Variants in IL1RAP observed in about 807,000 individuals in gnomAD.
IL1RAP encodes the protein interleukin 1 receptor accessory protein, also known as interleukin-1 receptor accessory protein.
In IL1RAP, 35 loss-of-function variants were observed where a neutral mutation model predicts 60.7. The observed-to-expected ratio is 0.58, with a 90% CI of 0.44 to 0.76. The LOEUF is 0.76. Among genes scored for constraint, IL1RAP ranks in the 30% least tolerant of loss-of-function variants. The probability of loss-of-function intolerance (pLI) is 0.00; values close to 1 mark genes in which losing one functional copy is unlikely to be tolerated. For synonymous variants in IL1RAP, 268 were observed against 250.9 expected (o/e 1.07, Z -0.64); for missense variants, 572 against 693.9 (o/e 0.82, Z 1.97).
chr3:190,603,355 G>C (rs1252176183), intron 3 of IL1RAP, among the ~76,000 whole-genome samples: 2 of 152,176 alleles, frequency 1.3e-5, no homozygotes, highest in East Asian at 1.9e-4. Flanking sequence ...ATTTGACTCT[G>C]TCATTGAAAC....
At chr3:190,629,813 A>G (rs1732629265) in intron 9 of IL1RAP, 2 of 1,029,844 alleles carry the variant, frequency 1.9e-6, no homozygotes, top group Non-Finnish European at 1.2e-6. Flanking sequence ...CAAAGCTACC[A>G]AAGATAGAAA....
intron 3 of IL1RAP, among the ~76,000 whole-genome samples, chr3:190,573,628 T>A (rs1350748049): frequency 6.6e-6 from 1 of 152,224 alleles, no homozygotes; most frequent in Non-Finnish European, 1.5e-5. Flanking sequence ...CCTTTATTAC[T>A]CTAAATATCC....
intron 9 of IL1RAP, among the ~76,000 whole-genome samples, chr3:190,640,562 C>T (rs181383483): frequency 2.6e-5 from 4 of 152,244 alleles, no homozygotes; most frequent in East Asian, 3.9e-4. Flanking sequence ...TAATTTAGAA[C>T]GGAGTAGCCA....
intron 11 of IL1RAP, among the ~76,000 whole-genome samples, chr3:190,647,577 A>G (rs1025310305): frequency 6.6e-6 from 1 of 152,196 alleles, no homozygotes; most frequent in Non-Finnish European, 1.5e-5. Context: ...TAGTGCAAGT[A>G]GACACATCAT....
intron 2 of IL1RAP, among the ~76,000 whole-genome samples, chr3:190,560,760 A>G (rs574248408): frequency 6.6e-6 from 1 of 152,348 alleles, no homozygotes; most frequent in Non-Finnish European, 1.5e-5. Context: ...ATGATTACCA[A>G]GTCTAGAGAA....
downstream of IL1RAP, among the ~76,000 whole-genome samples, chr3:190,655,606 T>TG (rs1560251150): frequency 2.7e-5 from 4 of 148,048 alleles, no homozygotes; most frequent in Admixed American, 6.7e-5. Context: ...TGTGTGTGTG[T>TG]TTTAAGAAAG....
chr3:190,546,802 C>G (rs1047994855), intron 1 of IL1RAP, among the ~76,000 whole-genome samples: 4 of 152,098 alleles, frequency 2.6e-5, no homozygotes, highest in Non-Finnish European at 5.9e-5. Context: ...GTTGTGAGTT[C>G]CTGGATGTCT....
At chr3:190,551,440 A>G (rs1724854439) in intron 1 of IL1RAP, among the ~76,000 whole-genome samples, 1 of 152,346 alleles carries the variant, frequency 6.6e-6, no homozygotes, top group Admixed American at 6.5e-5. Context: ...AGAAACAAAC[A>G]TGCTTCAAAT....
intron 6 of IL1RAP, 64 bp from the exon 7 acceptor site, chr3:190,623,280 G>A (rs1731939391): frequency 8.0e-7 from 1 of 1,245,078 alleles, no homozygotes; most frequent in Non-Finnish European, 1.2e-6. Flanking sequence ...TCAGAGAAGA[G>A]CAGAATTTTT....
chr3:190,544,017 T>C (rs970972052), intron 1 of IL1RAP, among the ~76,000 whole-genome samples: 7 of 152,202 alleles, frequency 4.6e-5, no homozygotes, highest in South Asian at 2.1e-4. Context: ...GTTTTTTATA[T>C]ATTAGAGAAT....
At chr3:190,601,109 C>T (rs758798288) in intron 3 of IL1RAP, among the ~76,000 whole-genome samples, 26 of 152,214 alleles carry the variant, frequency 1.7e-4, no homozygotes, top group South Asian at 4.1e-4. Flanking sequence ...CTCAGCTTTC[C>T]GAGCAGCTGG....
At chr3:190,516,989 C>T (rs747028926) in intron 1 of IL1RAP, among the ~76,000 whole-genome samples, 19 of 152,186 alleles carry the variant, frequency 1.2e-4, no homozygotes, top group Non-Finnish European at 2.5e-4. Flanking sequence ...TCTGTTTCCT[C>T]GCCAATGAGA....
intron 4 of IL1RAP, among the ~76,000 whole-genome samples, chr3:190,607,786 A>G (rs9837328): frequency 0.079 from 12,070 of 152,198 alleles, 939 homozygotes; most frequent in African/African-American, 0.2. Context: ...ACTTGGAATG[A>G]TTGTACCACA....
At chr3:190,553,526 G>C (rs1725055668) in intron 1 of IL1RAP, among the ~76,000 whole-genome samples, 1 of 152,144 alleles carries the variant, frequency 6.6e-6, no homozygotes, top group South Asian at 2.1e-4. Context: ...CTCTCCAATG[G>C]GGTTGAACCC....
intron 2 of IL1RAP, among the ~76,000 whole-genome samples, chr3:190,558,935 G>A (rs759272104): frequency 1.3e-5 from 2 of 152,164 alleles, no homozygotes; most frequent in Non-Finnish European, 2.9e-5. Context: ...CAGTTTCTGT[G>A]GGTCAGAAGG....
intron 9 of IL1RAP, among the ~76,000 whole-genome samples, chr3:190,632,567 T>G (rs1276245645): frequency 6.6e-6 from 1 of 152,256 alleles, no homozygotes; most frequent in East Asian, 1.9e-4. Flanking sequence ...GAATTCATTT[T>G]CTTTTAAACA....
At chr3:190,552,009 C>A (rs1200540317) in intron 1 of IL1RAP, among the ~76,000 whole-genome samples, 2 of 152,202 alleles carry the variant, frequency 1.3e-5, no homozygotes, top group East Asian at 3.9e-4. Flanking sequence ...ATCCAACGTA[C>A]CTAAACATGT....
chr3:190,521,227 G>A (rs904344528), intron 1 of IL1RAP, among the ~76,000 whole-genome samples: 1 of 152,106 alleles, frequency 6.6e-6, no homozygotes, highest in South Asian at 2.1e-4. Context: ...AATAATAACA[G>A]CTTTTTTTTA....
chr3:190,597,136 A>G (rs993573415), intron 3 of IL1RAP, among the ~76,000 whole-genome samples: 1 of 152,226 alleles, frequency 6.6e-6, no homozygotes. Flanking sequence ...CATGGCAGGT[A>G]TAATTATTTC....
Sources: gnomAD v4.1 joint callset for allele counts (sites outside exome capture counted in the v4.1 genomes callset) on GRCh38, gnomAD v4.1.1 for gene constraint, MANE v1.5 for transcripts, NCBI Gene and HGNC (gene_info 2026-07-23, HGNC 2026-07-21) for gene names.